The following GALNT17 variants were observed in gnomAD, a reference collection of about 807,000 sequenced individuals.
GALNT17 encodes the protein polypeptide N-acetylgalactosaminyltransferase 17.
Under a neutral mutation model 63.7 loss-of-function variants are expected in GALNT17, and 29 were observed. The ratio of observed to expected loss-of-function variants is 0.46; its 90% CI spans 0.34 to 0.62. The LOEUF is 0.62. Ranked by LOEUF, GALNT17 falls within the 20% of genes least tolerant of loss-of-function variation. The pLI is 0.01. For synonymous variants in GALNT17, 305 were observed against 318.3 expected (o/e 0.96, Z 0.45); for missense variants, 603 against 799.6 (o/e 0.75, Z 2.97).
intron 5 of GALNT17, among the ~76,000 whole-genome samples, chr7:71,533,763 A>C (rs1412809656): frequency 6.6e-6 from 1 of 152,164 alleles, no homozygotes; most frequent in African/African-American, 2.4e-5. Context: ...AAGTATTGCC[A>C]GGGAAGACAG....
At chr7:71,347,812 A>G (rs967348260) in intron 2 of GALNT17, among the ~76,000 whole-genome samples, 3 of 152,108 alleles carry the variant, frequency 2.0e-5, no homozygotes, top group African/African-American at 7.2e-5. Flanking sequence ...TTCTGAGGTC[A>G]TGGGAGACTT....
intron 2 of GALNT17, among the ~76,000 whole-genome samples, chr7:71,359,356 G>A (rs1792354138): frequency 6.6e-6 from 1 of 152,076 alleles, no homozygotes. Flanking sequence ...GGAGAGAGGG[G>A]TGGCAGGTGC....
chr7:71,662,405 C>A (rs143398445), intron 6 of GALNT17, among the ~76,000 whole-genome samples: 19 of 152,160 alleles, frequency 1.2e-4, no homozygotes, highest in African/African-American at 4.1e-4. Context: ...TATTCACATA[C>A]CATTATAATT....
chr7:71,377,018 G>A (rs1385528733), intron 2 of GALNT17, among the ~76,000 whole-genome samples: 1 of 147,548 alleles, frequency 6.8e-6, no homozygotes, highest in African/African-American at 2.5e-5. Flanking sequence ...GCCAGAAGGT[G>A]GAGGTGGCAG....
chr7:71,708,922 T>C (rs568663950), intron 9 of GALNT17, among the ~76,000 whole-genome samples: 1 of 152,346 alleles, frequency 6.6e-6, no homozygotes, highest in South Asian at 2.1e-4. Flanking sequence ...TTGTATTCCA[T>C]GGTGTATAGG....
At chr7:71,171,622 G>A (rs758957976) in intron 1 of GALNT17, among the ~76,000 whole-genome samples, 3 of 152,190 alleles carry the variant, frequency 2.0e-5, no homozygotes, top group Non-Finnish European at 4.4e-5. Flanking sequence ...TGAAGTTTCT[G>A]TGCTATTTAC....
At chr7:71,559,863 G>A (rs1789223543) in intron 5 of GALNT17, among the ~76,000 whole-genome samples, 1 of 148,938 alleles carries the variant, frequency 6.7e-6, no homozygotes, top group African/African-American at 2.5e-5. Context: ...TCTGTCTTAT[G>A]TATTAAAAAG....
chr7:71,283,330 T>A (rs2115766781), intron 1 of GALNT17, among the ~76,000 whole-genome samples: 1 of 152,310 alleles, frequency 6.6e-6, no homozygotes, highest in South Asian at 2.1e-4. Flanking sequence ...TGTGCCCAGC[T>A]CTCCCTGCTT....
At chr7:71,237,539 A>G (rs1334904457) in intron 1 of GALNT17, among the ~76,000 whole-genome samples, 2 of 151,508 alleles carry the variant, frequency 1.3e-5, no homozygotes, top group Non-Finnish European at 2.9e-5. Context: ...AAAAGAAAAA[A>G]CAGGGCATAA....
intron 1 of GALNT17, among the ~76,000 whole-genome samples, chr7:71,227,800 G>A (rs1184905695): frequency 3.9e-5 from 6 of 152,154 alleles, no homozygotes; most frequent in African/African-American, 1.4e-4. Context: ...CCCATTGCCT[G>A]GTGACATTCT....
intron 1 of GALNT17, among the ~76,000 whole-genome samples, chr7:71,292,653 C>G (rs4719099): frequency 1.5e-3 from 196 of 127,162 alleles, no homozygotes; most frequent in Middle Eastern, 0.013. Flanking sequence ...GAGAGAGAGA[C>G]AGAGAGAGAG....
At chr7:71,542,689 C>T (rs1409616597) in intron 5 of GALNT17, among the ~76,000 whole-genome samples, 1 of 90,922 alleles carries the variant, frequency 1.1e-5, no homozygotes, top group Non-Finnish European at 2.3e-5. Flanking sequence ...GAGTGAGACT[C>T]CCTGTCAAAA....
intron 5 of GALNT17, among the ~76,000 whole-genome samples, chr7:71,565,461 T>C (rs1393312253): frequency 6.6e-6 from 1 of 151,988 alleles, no homozygotes; most frequent in Non-Finnish European, 1.5e-5. Flanking sequence ...CCTTCCTCTC[T>C]CTAGCACTTC....
rs1175006934 is a variant in GALNT17, at chr7:71,680,645, TCTCTCCC to T, written c.1500+3340_1500+3346del. 2.6e-3 allele frequency among the ~76,000 whole-genome samples: 127 copies of T among 48,490 alleles called. 44 individuals carry two copies. Among genetic ancestry groups the T allele is most frequent in the African/African-American group, 5.7e-3 (87 of 15,276 alleles). 31.8% of individuals were successfully genotyped at this position (48,490 alleles called of 152,430 possible). On this transcript the variant is annotated intron_variant, in intron 9 of 10. Transcript: ENST00000333538. The stretch of plus-strand genomic sequence containing the variant: ...CTCCTTCCTTTCCTTCCTTCCTCCC[TCTCTCCC>T]TCCTTCCTTCCTTTCTTCCTTTCCT...
intron 9 of GALNT17, among the ~76,000 whole-genome samples, chr7:71,709,416 G>A (rs11973697): frequency 0.14 from 20,776 of 152,044 alleles, 1,621 homozygotes; most frequent in African/African-American, 0.2. Flanking sequence ...TTGAATCAAA[G>A]GCCATGAACA....
chr7:71,637,436 G>T (rs947785775), intron 6 of GALNT17, among the ~76,000 whole-genome samples: 1 of 151,256 alleles, frequency 6.6e-6, no homozygotes, highest in Non-Finnish European at 1.5e-5. Flanking sequence ...TGATCCACCT[G>T]CCTCGGCCTC....
At chr7:71,558,442 T>A (rs1411656483) in intron 5 of GALNT17, among the ~76,000 whole-genome samples, 1 of 151,998 alleles carries the variant, frequency 6.6e-6, no homozygotes, top group African/African-American at 2.4e-5. Context: ...CAGTTATAAG[T>A]GTTCATCTGT....
chr7:71,176,694 G>A (rs73361789), intron 1 of GALNT17, among the ~76,000 whole-genome samples: 2,133 of 152,200 alleles, frequency 0.014, 50 homozygotes, highest in African/African-American at 0.049. Context: ...GCCTCCCTGG[G>A]TCCCTATAGG....
At chr7:71,175,126 A>G (rs920976080) in intron 1 of GALNT17, among the ~76,000 whole-genome samples, 21 of 150,706 alleles carry the variant, frequency 1.4e-4, no homozygotes, top group African/African-American at 5.2e-4. Context: ...TCATCCATCC[A>G]TCAGTCTATC....
Sources: allele counts gnomAD v4.1 joint callset (sites outside exome capture counted in the v4.1 genomes callset), GRCh38; gene constraint gnomAD v4.1.1; transcripts MANE v1.5; gene names NCBI Gene and HGNC (gene_info 2026-07-23, HGNC 2026-07-21).